TMEM52B: variants seen among roughly 807,000 people sequenced by gnomAD.
The protein encoded by TMEM52B is chromosome 12 open reading frame 59.
TMEM52B carries 11 observed loss-of-function variants against 16.1 expected under a neutral mutation model. The observed-to-expected ratio is 0.68, with a 90% CI of 0.43 to 1.13. The LOEUF (loss-of-function observed/expected upper bound fraction) is 1.13. Among genes scored for constraint, TMEM52B ranks in the 50% most tolerant of loss-of-function variants. The pLI is 0.00. For missense variants in TMEM52B, 243 were observed against 230.4 expected, an observed-to-expected ratio of 1.05 and a Z score of -0.35; for synonymous variants, 101 against 93.8, an observed-to-expected ratio of 1.08 and a Z score of -0.45.
chr12:10,187,106 T>TTTG (rs1555090974), intron 4 of TMEM52B, among the ~76,000 whole-genome samples: 2 of 140,716 alleles, frequency 1.4e-5, no homozygotes, highest in African/African-American at 5.3e-5. Context: ...ACGGTTTTTT[T>TTTG]TTTTTTTTTT....
upstream of TMEM52B, among the ~76,000 whole-genome samples, chr12:10,174,019 A>G (rs1457035298): frequency 6.6e-6 from 1 of 151,866 alleles, no homozygotes; most frequent in African/African-American, 2.4e-5. Context: ...CCACCAAGCA[A>G]TAACTCCTGT....
chr12:10,172,167 AG>A (rs1468621213), intron 1 of TMEM52B: 52 of 826,126 alleles, frequency 6.3e-5, no homozygotes, highest in South Asian at 6.0e-4. Context: ...GTATTTAAAT[AG>A]CTACTGTTAT....
chr12:10,174,803 T>C (rs1482437461), upstream of TMEM52B, among the ~76,000 whole-genome samples: 1 of 152,258 alleles, frequency 6.6e-6, no homozygotes, highest in Non-Finnish European at 1.5e-5. Context: ...TGGTTTATTT[T>C]AGGCACCTCA....
intron 1 of TMEM52B, among the ~76,000 whole-genome samples, chr12:10,181,771 C>T (rs1302625088): frequency 1.3e-5 from 2 of 151,110 alleles, no homozygotes; most frequent in African/African-American, 2.4e-5. Flanking sequence ...CACCTGTAAT[C>T]CCAACAGCAC....
intron 4 of TMEM52B, among the ~76,000 whole-genome samples, chr12:10,188,085 A>T (rs542517503): frequency 1.6e-3 from 241 of 151,916 alleles, no homozygotes; most frequent in African/African-American, 5.6e-3. Context: ...GGTGAGCGAC[A>T]GAGAAAGACC....
chr12:10,180,110 G>C (rs1948805336), intron 1 of TMEM52B, among the ~76,000 whole-genome samples: 1 of 152,166 alleles, frequency 6.6e-6, no homozygotes, highest in South Asian at 2.1e-4. Flanking sequence ...AAGTCTCTGA[G>C]TAATCCATTA....
At chr12:10,182,043 A>G (rs1948830999) in intron 1 of TMEM52B, 3 of 527,348 alleles carry the variant, frequency 5.7e-6, no homozygotes, top group Non-Finnish European at 7.0e-6. Flanking sequence ...AAAAAAAACA[A>G]AAAAAAAAAA....
chr12:10,187,331 A>G (rs1404286598), intron 4 of TMEM52B, among the ~76,000 whole-genome samples: 1 of 151,748 alleles, frequency 6.6e-6, no homozygotes, highest in Non-Finnish European at 1.5e-5. Context: ...CAAACTCCTG[A>G]CCTTGTGATC....
chr12:10,184,756 C>T (rs1464947150), intron 2 of TMEM52B, among the ~76,000 whole-genome samples: 1 of 151,942 alleles, frequency 6.6e-6, no homozygotes, highest in African/African-American at 2.4e-5. Flanking sequence ...TTTTATTGAC[C>T]TCAAATATAC....
intron 1 of TMEM52B, among the ~76,000 whole-genome samples, chr12:10,171,835 A>T (rs1948721471): frequency 6.6e-6 from 1 of 152,168 alleles, no homozygotes. Context: ...ATAAGTTGTC[A>T]TCATCATCAT....
upstream of TMEM52B, among the ~76,000 whole-genome samples, chr12:10,175,071 A>G (rs1377041744): frequency 6.6e-6 from 1 of 152,170 alleles, no homozygotes; most frequent in African/African-American, 2.4e-5. Flanking sequence ...ACAGATTTGA[A>G]AAATTTTAGA....
At chr12:10,186,853 T>C (rs1948886013) in intron 4 of TMEM52B, among the ~76,000 whole-genome samples, 1 of 152,212 alleles carries the variant, frequency 6.6e-6, no homozygotes, top group African/African-American at 2.4e-5. Flanking sequence ...AGCCAGTTTA[T>C]AAATAGTTAC....
chr12:10,187,971 C>T (rs757631710), intron 4 of TMEM52B, among the ~76,000 whole-genome samples: 6 of 151,976 alleles, frequency 3.9e-5, no homozygotes, highest in Non-Finnish European at 7.4e-5. Context: ...TGGTGGCACA[C>T]ACCTGCAATC....
chr12:10,186,734 C>A, intron 4 of TMEM52B, 145 bp downstream of exon 4: 2 of 821,604 alleles, frequency 2.4e-6, no homozygotes, highest in Non-Finnish European at 3.4e-6. Context: ...CCTGATGGTG[C>A]AGTGACCTGG....
At chr12:10,177,124 A>G (rs1242759020), upstream of TMEM52B, among the ~76,000 whole-genome samples, 2 of 152,234 alleles carry the variant, frequency 1.3e-5, no homozygotes, top group African/African-American at 4.8e-5. Flanking sequence ...GAATTACATA[A>G]TAATTTAGTG....
upstream of TMEM52B, among the ~76,000 whole-genome samples, chr12:10,177,199 A>G (rs1433923099): frequency 2.0e-5 from 3 of 152,170 alleles, no homozygotes; most frequent in Non-Finnish European, 4.4e-5. Context: ...CAAGTCTTCT[A>G]CTGAAATCTG....
upstream of TMEM52B, among the ~76,000 whole-genome samples, chr12:10,177,634 G>A (rs371795652): frequency 6.1e-4 from 92 of 151,710 alleles, no homozygotes; most frequent in African/African-American, 1.8e-3. Context: ...GCTGGGTGTC[G>A]TGGCAGGTGT....
upstream of TMEM52B, among the ~76,000 whole-genome samples, chr12:10,176,702 AAAT>A (rs1948768133): frequency 6.6e-6 from 1 of 152,208 alleles, no homozygotes; most frequent in African/African-American, 2.4e-5. Context: ...CAAACACAAA[AAAT>A]ATCAGGACTG....
chr12:10,182,431 T>A (rs1420494570), intron 1 of TMEM52B, 119 bp from the exon 2 acceptor site: 6 of 1,402,266 alleles, frequency 4.3e-6, no homozygotes, highest in Non-Finnish European at 5.6e-6. Flanking sequence ...ACTGCCCCTA[T>A]GACCGTGACC....
Sources: allele counts gnomAD v4.1 joint callset (sites outside exome capture counted in the v4.1 genomes callset), GRCh38; gene constraint gnomAD v4.1.1; transcripts MANE v1.5; gene names NCBI Gene and HGNC (gene_info 2026-07-23, HGNC 2026-07-21).